Variants in MAGI1 observed in about 807,000 individuals in gnomAD.
The protein encoded by MAGI1 is membrane-associated guanylate kinase, WW and PDZ domain-containing protein 1.
MAGI1 carries 58 observed loss-of-function variants against 139.9 expected under a neutral mutation model. That is an observed-to-expected ratio of 0.41 (90% CI 0.34 to 0.52). The LOEUF is 0.52. Among genes scored for constraint, MAGI1 ranks in the 20% least tolerant of loss-of-function variants. The pLI is 0.12. For synonymous variants in MAGI1, 812 were observed against 737.9 expected, an observed-to-expected ratio of 1.10 and a Z score of -1.63; for missense variants, 1,874 against 1,901.6, an observed-to-expected ratio of 0.99 and a Z score of 0.27.
chr3:65,375,190 T>C (rs1315922878), intron 18 of MAGI1, among the ~76,000 whole-genome samples: 2 of 148,664 alleles, frequency 1.3e-5, no homozygotes, highest in East Asian at 3.9e-4. Context: ...TCTGAAACTT[T>C]TTTTTTTTTT....
At chr3:65,936,920 G>T in intron 1 of MAGI1, among the ~76,000 whole-genome samples, 1 of 150,032 alleles carries the variant, frequency 6.7e-6, no homozygotes, top group South Asian at 2.1e-4. Flanking sequence ...TGTTGTTGTT[G>T]GTGGTGGTGG....
intron 1 of MAGI1, among the ~76,000 whole-genome samples, chr3:65,982,012 T>C (rs956083916): frequency 6.6e-6 from 1 of 152,232 alleles, no homozygotes; most frequent in Non-Finnish European, 1.5e-5. Flanking sequence ...AGTCGAGGCA[T>C]CTGTCTGCCT....
At chr3:65,754,895 G>A (rs1170592525) in intron 1 of MAGI1, among the ~76,000 whole-genome samples, 1 of 151,916 alleles carries the variant, frequency 6.6e-6, no homozygotes, top group African/African-American at 2.4e-5. Flanking sequence ...GTGAGGAAGG[G>A]GCTGGCCAAT....
intron 1 of MAGI1, among the ~76,000 whole-genome samples, chr3:65,781,222 G>A (rs2108007900): frequency 6.6e-6 from 1 of 151,952 alleles, no homozygotes; most frequent in African/African-American, 2.4e-5. Context: ...AAATTTAAAA[G>A]TTAAAAGTTC....
At chr3:65,923,954 T>C (rs2062366346) in intron 1 of MAGI1, among the ~76,000 whole-genome samples, 1 of 152,186 alleles carries the variant, frequency 6.6e-6, no homozygotes, top group South Asian at 2.1e-4. Context: ...AAGAGTAATA[T>C]TAACAGAAAA....
intron 1 of MAGI1, among the ~76,000 whole-genome samples, chr3:65,665,645 T>A (rs2086465344): frequency 6.6e-6 from 1 of 152,142 alleles, no homozygotes; most frequent in South Asian, 2.1e-4. Flanking sequence ...CAGATCAGTA[T>A]TTGCTAATTA....
chr3:66,017,616 G>A (rs769557416), intron 1 of MAGI1, among the ~76,000 whole-genome samples: 1 of 152,276 alleles, frequency 6.6e-6, no homozygotes, highest in East Asian at 1.9e-4. Context: ...GGTTCTGACC[G>A]CTAAACTGGA....
At chr3:65,680,712 C>T (rs2087526109) in intron 1 of MAGI1, among the ~76,000 whole-genome samples, 1 of 152,096 alleles carries the variant, frequency 6.6e-6, no homozygotes, top group Non-Finnish European at 1.5e-5. Flanking sequence ...TGAGCCTCAA[C>T]ACCCGGCCTG....
chr3:65,767,131 T>C (rs141726783), intron 1 of MAGI1, among the ~76,000 whole-genome samples: 1 of 152,312 alleles, frequency 6.6e-6, no homozygotes, highest in African/African-American at 2.4e-5. Context: ...CTGGCTAGCA[T>C]GAACTCTCCA....
At chr3:65,463,165 A>G (rs1395163502) in intron 5 of MAGI1, among the ~76,000 whole-genome samples, 1 of 152,066 alleles carries the variant, frequency 6.6e-6, no homozygotes, top group Non-Finnish European at 1.5e-5. Context: ...AAGAGAGGGT[A>G]TCCTTGTCTT....
intron 22 of MAGI1, chr3:65,360,387 CAAATA>C (rs1171794715): frequency 2.1e-6 from 2 of 954,216 alleles, no homozygotes; most frequent in African/African-American, 1.8e-5. Context: ...ACACAAATCT[CAAATA>C]AATAGGACAT....
chr3:65,751,751 C>T (rs2036171668), intron 1 of MAGI1, among the ~76,000 whole-genome samples: 1 of 152,132 alleles, frequency 6.6e-6, no homozygotes, highest in Non-Finnish European at 1.5e-5. Context: ...TGTGCTCTCT[C>T]TGAAGAAAAT....
At chr3:65,485,384 C>T (rs1418552124) in intron 3 of MAGI1, among the ~76,000 whole-genome samples, 1 of 152,164 alleles carries the variant, frequency 6.6e-6, no homozygotes, top group Non-Finnish European at 1.5e-5. Context: ...CAAGACCAAA[C>T]AGGAGAACAT....
chr3:66,038,724 C>T lies in MAGI1; in HGVS notation c.-416G>A, dbSNP rs969553253. 1 of 171,852 alleles carries T rather than the reference C, an allele frequency of 5.8e-6. No homozygotes were observed. Among genetic ancestry groups the T allele is most frequent in the Non-Finnish European group, 1.2e-5 (1 of 81,078 alleles). The allele number at this position is 171,852 out of a possible 1,614,324, so 10.6% of individuals were successfully genotyped here. A position where few individuals can be genotyped will look rare whatever the true frequency, so the allele number is the denominator to read the frequency against. On this transcript the variant is annotated 5_prime_UTR_variant, in exon 1 of 23. Coordinates refer to ENST00000402939, the MANE Select transcript of MAGI1 (RefSeq NM_001033057.2). ...GCCTCTCCTCGCTGGCAGGCTGTTA[C>T]TGAGGGTGAGGGAAGCCCTTCCAGC...
chr3:65,456,594 C>A (rs1354761329), intron 5 of MAGI1, among the ~76,000 whole-genome samples: 1 of 151,920 alleles, frequency 6.6e-6, no homozygotes, highest in East Asian at 1.9e-4. Context: ...CTTTGCCTAG[C>A]CCTGTATTTC....
At chr3:65,904,253 T>G (rs2061350166) in intron 1 of MAGI1, among the ~76,000 whole-genome samples, 1 of 152,212 alleles carries the variant, frequency 6.6e-6, no homozygotes, top group African/African-American at 2.4e-5. Flanking sequence ...TGGCCTGGAA[T>G]GACCAACCCT....
intron 2 of MAGI1, among the ~76,000 whole-genome samples, chr3:65,533,764 G>C (rs1295295512): frequency 6.6e-6 from 1 of 152,070 alleles, no homozygotes; most frequent in Non-Finnish European, 1.5e-5. Flanking sequence ...CATTCTCTGA[G>C]CATTAGAATC....
chr3:65,731,297 C>A (rs574839848), intron 1 of MAGI1, among the ~76,000 whole-genome samples: 1 of 152,106 alleles, frequency 6.6e-6, no homozygotes, highest in South Asian at 2.1e-4. Context: ...CTAAAAACAC[C>A]ATCACACAGT....
chr3:65,962,193 G>A (rs898992031), intron 1 of MAGI1, among the ~76,000 whole-genome samples: 2 of 145,452 alleles, frequency 1.4e-5, no homozygotes, highest in Admixed American at 7.1e-5. Flanking sequence ...TGCGATCTCC[G>A]TTCACTGCAA....
Sources: gnomAD v4.1 joint callset for allele counts (sites outside exome capture counted in the v4.1 genomes callset) on GRCh38, gnomAD v4.1.1 for gene constraint, MANE v1.5 for transcripts, NCBI Gene and HGNC (gene_info 2026-07-23, HGNC 2026-07-21) for gene names.